The following CENPC variants were observed in gnomAD, a reference collection of about 807,000 sequenced individuals.
CENPC encodes the protein CENP-C 1.
In CENPC, 63 loss-of-function variants were observed where a neutral mutation model predicts 112.1. The ratio of observed to expected loss-of-function variants is 0.56; its 90% CI spans 0.46 to 0.69. The LOEUF (loss-of-function observed/expected upper bound fraction) is 0.69, where lower values mean the gene tolerates loss of function less well. Ranked by LOEUF, CENPC falls within the 30% of genes least tolerant of loss-of-function variation. CENPC has a pLI of 0.00. For missense variants in CENPC, 1,000 were observed against 1,103.8 expected (o/e 0.91, Z 1.33); for synonymous variants, 333 against 367.6 (o/e 0.91, Z 1.08).
intron 18 of CENPC, 195 bp downstream of exon 18, chr4:67,474,693 G>C: frequency 5.9e-6 from 3 of 511,314 alleles, no homozygotes; most frequent in Non-Finnish European, 1.1e-5. Flanking sequence ...GCAAGACTCT[G>C]TCTCAAAAAC....
intron 12 of CENPC, among the ~76,000 whole-genome samples, chr4:67,497,894 C>CA (rs1412515347): frequency 6.6e-6 from 1 of 151,814 alleles, no homozygotes; most frequent in Non-Finnish European, 1.5e-5. Context: ...CTAAAAAAAT[C>CA]AGTGTACATA....
chr4:67,508,334 A>G (rs1217505681), intron 10 of CENPC, among the ~76,000 whole-genome samples: 1 of 151,922 alleles, frequency 6.6e-6, no homozygotes, highest in Non-Finnish European at 1.5e-5. Flanking sequence ...GCAACAAAGC[A>G]AGACCTCATT....
chr4:67,540,884 C>G lies in CENPC; in HGVS notation c.136+96G>C, dbSNP rs1726866653. ...AAAATATTTTCCATATATTTAAACC[C>G]TAGAACATATTTGCTGCATTTGATA... is the stretch of plus-strand genomic sequence containing the variant. On this transcript the variant is annotated intron_variant, in intron 3 of 18. Transcript: ENST00000273853. 18 of 877,160 alleles carry G rather than the reference C, an allele frequency of 2.1e-5. 1 individual carries two copies. Among genetic ancestry groups the G allele is most frequent in the Middle Eastern group, 4.3e-4 (2 of 4,678 alleles). The allele number at this position is 877,160 out of a possible 1,614,324, so 54.3% of individuals were successfully genotyped here.
chr4:67,520,898 G>A (rs1726206508), intron 5 of CENPC, among the ~76,000 whole-genome samples: 4 of 151,988 alleles, frequency 2.6e-5, no homozygotes, highest in Admixed American at 2.6e-4. Context: ...TGTAATCCCA[G>A]CTACTCGGGA....
intron 12 of CENPC, 118 bp downstream of exon 12, chr4:67,505,087 A>C: frequency 1.4e-6 from 1 of 701,614 alleles, no homozygotes. Context: ...TAAGGGTCTT[A>C]AGAGGTAGGT....
rs1417184958 is a variant in CENPC, at chr4:67,512,582, A to G, written c.1445-13T>C. On this transcript the variant is annotated splice_polypyrimidine_tract_variant and intron_variant, in intron 8 of 18. Transcript: ENST00000273853. ...CTTTTCTTGCTTCCTAAAATAAAGA[A>G]AACCATAAAACCAATTCACAATCTA... is the stretch of plus-strand genomic sequence containing the variant. 6.1e-6 allele frequency: 9 copies of G among 1,476,894 alleles called. No homozygotes were observed. Among genetic ancestry groups the G allele is most frequent in the Non-Finnish European group, 5.4e-6 (6 of 1,114,526 alleles). The allele number at this position is 1,476,894 out of a possible 1,614,324, so 91.5% of individuals were successfully genotyped here.
chr4:67,540,687 T>A (rs1026097883), intron 3 of CENPC, among the ~76,000 whole-genome samples: 1 of 152,088 alleles, frequency 6.6e-6, no homozygotes, highest in East Asian at 1.9e-4. Context: ...AAATAAATAA[T>A]AAAATACTTT....
chr4:67,475,038 A>G, intron 17 of CENPC, 60 bp from the exon 18 acceptor site: 2 of 912,358 alleles, frequency 2.2e-6, no homozygotes, highest in South Asian at 3.2e-5. Context: ...CTTCAAAGGA[A>G]CCTTAAAATG....
chr4:67,534,343 G>C (rs1334308965), intron 4 of CENPC, among the ~76,000 whole-genome samples: 1 of 151,842 alleles, frequency 6.6e-6, no homozygotes, highest in Non-Finnish European at 1.5e-5. Flanking sequence ...TTGAACCCGG[G>C]AGGCAGAGAT....
intron 17 of CENPC, among the ~76,000 whole-genome samples, chr4:67,475,895 T>C (rs1435176706): frequency 1.3e-5 from 2 of 151,932 alleles, no homozygotes; most frequent in African/African-American, 4.8e-5. Flanking sequence ...AGCCCAAGAG[T>C]ATTAAGCCAT....
chr4:67,478,666 A>ACCCC (rs58607048), intron 17 of CENPC, among the ~76,000 whole-genome samples: 28 of 76,642 alleles, frequency 3.7e-4, no homozygotes, highest in Admixed American at 8.4e-4. Context: ...ACACACACAC[A>ACCCC]CCCAAAGTAT....
chr4:67,531,353 CT>C (rs773794943), intron 4 of CENPC, among the ~76,000 whole-genome samples: 2 of 152,072 alleles, frequency 1.3e-5, no homozygotes, highest in Non-Finnish European at 2.9e-5. Flanking sequence ...ACGTAAAACA[CT>C]GTAGTATTGA....
intron 5 of CENPC, among the ~76,000 whole-genome samples, chr4:67,528,724 C>T (rs115494798): frequency 0.012 from 1,850 of 152,260 alleles, 26 homozygotes; most frequent in Middle Eastern, 0.048. Flanking sequence ...CATCTGTTGA[C>T]GGACACTTGG....
In CENPC at chr4:67,507,207, T is replaced by A. The variant is rs1213851098; in HGVS notation, c.1905-273A>T. Among the ~76,000 whole-genome samples, 3 of 152,284 alleles carry A rather than the reference T, an allele frequency of 2.0e-5. No individual in the cohort carries two copies. The East Asian group carries it at 5.8e-4, about 29-fold the overall frequency. ...AAGGGACATAAGGAGACCTTATCTA[T>A]AAGCAGCTTGATATATATTACAGTT... On this transcript the variant is annotated intron_variant, in intron 10 of 18. Transcript: ENST00000273853.
At chr4:67,523,000 C>CA (rs139759090) in intron 5 of CENPC, among the ~76,000 whole-genome samples, 112 of 135,878 alleles carry the variant, frequency 8.2e-4, no homozygotes, top group East Asian at 4.6e-3. Context: ...AATTCCATCT[C>CA]AAAAAAAAAA....
chr4:67,489,197 T>TACAC (rs33944071), intron 17 of CENPC, among the ~76,000 whole-genome samples: 2,627 of 148,408 alleles, frequency 0.018, 48 homozygotes, highest in East Asian at 0.075. Flanking sequence ...CTGTTATACA[T>TACAC]ACACACACAC....
chr4:67,505,978 G>T (rs997643264), intron 11 of CENPC, among the ~76,000 whole-genome samples: 1 of 151,888 alleles, frequency 6.6e-6, no homozygotes, highest in African/African-American at 2.4e-5. Flanking sequence ...TTAAAATGTG[G>T]TCCAGAAATT....
rs1277667765 is a variant in CENPC, at chr4:67,526,483, A to G, written c.331+4332T>C. Among the ~76,000 whole-genome samples the G allele has an allele frequency of 2.0e-5, 3 of 152,284 alleles. No homozygotes were observed. The East Asian group carries it at 5.8e-4, about 29-fold the overall frequency. On this transcript the variant is annotated intron_variant, in intron 5 of 18. Coordinates refer to ENST00000273853, the MANE Select transcript of CENPC (RefSeq NM_001812.4). ...CAGTCACAATGAAATTGATAATCAA[A>G]ATAGTCCTATAACTATTAAAGAATT... is the stretch of plus-strand genomic sequence containing the variant.
At chr4:67,479,885 T>C (rs1411182180) in intron 17 of CENPC, among the ~76,000 whole-genome samples, 3 of 152,180 alleles carry the variant, frequency 2.0e-5, no homozygotes, top group African/African-American at 7.2e-5. Context: ...CACCTTTATG[T>C]ATACAAACCA....
Sources: allele counts gnomAD v4.1 joint callset (sites outside exome capture counted in the v4.1 genomes callset), GRCh38; gene constraint gnomAD v4.1.1; transcripts MANE v1.5; gene names NCBI Gene and HGNC (gene_info 2026-07-23, HGNC 2026-07-21).